Variants in CD9 observed in about 807,000 individuals in gnomAD.
CD9 encodes CD9 molecule, also known as CD9 antigen.
A neutral mutation model predicts 31.4 loss-of-function variants in CD9; 10 were observed. The observed-to-expected ratio is 0.32, with a 90% CI of 0.20 to 0.54. CD9 has a LOEUF of 0.54. Among genes scored for constraint, CD9 ranks in the 20% least tolerant of loss-of-function variants. The pLI is 0.94. For missense variants in CD9, 259 were observed against 300.1 expected (o/e 0.86, Z 1.01); for synonymous variants, 113 against 114.1 (o/e 0.99, Z 0.06).
At chr12:6,220,748 A>G (rs771999767) in intron 1 of CD9, among the ~76,000 whole-genome samples, 3 of 152,190 alleles carry the variant, frequency 2.0e-5, no homozygotes, top group East Asian at 1.9e-4. Context: ...ATAATTTTAG[A>G]TCTACAGAAA....
At chr12:6,210,262 G>A (rs1169389213) in intron 1 of CD9, among the ~76,000 whole-genome samples, 3 of 152,208 alleles carry the variant, frequency 2.0e-5, no homozygotes, top group South Asian at 2.1e-4. Flanking sequence ...AACGGGCTGC[G>A]GTCCCGTCTA....
chr12:6,218,262 T>C (rs2136615675), intron 1 of CD9, among the ~76,000 whole-genome samples: 1 of 151,512 alleles, frequency 6.6e-6, no homozygotes, highest in Admixed American at 6.6e-5. Flanking sequence ...TCAGTACATA[T>C]TACAGAAGAT....
intron 1 of CD9, among the ~76,000 whole-genome samples, chr12:6,217,730 G>C (rs1328563885): frequency 6.6e-6 from 1 of 152,172 alleles, no homozygotes. Context: ...ACAATGGGAA[G>C]TTGGGAAGAA....
Position 6,238,132 on chromosome 12 carries a change from C to A in CD9, c.*304C>A. 1 of 255,448 alleles carries A rather than the reference C, an allele frequency of 3.9e-6. No individual in the cohort carries two copies. The highest frequency in any genetic ancestry group is 5.1e-5 in the South Asian group (1 of 19,712). The allele number at this position is 255,448 out of a possible 1,614,324, so 15.8% of individuals were successfully genotyped here. A position where few individuals can be genotyped will look rare whatever the true frequency, so the allele number is the denominator to read the frequency against. ...AATGAAAGGTACTATATTTGCTAGA[C>A]TCTAGACAAGATATTGTACATAAAA... On this transcript the variant is annotated 3_prime_UTR_variant, in exon 8 of 8. Transcript: ENST00000009180.
At position 6,210,437 on chromosome 12, in the gene CD9, A is replaced by G. The variant is rs1423910351; in HGVS notation, c.66+9872A>G. Reference sequence around the variant, plus strand: ...GAAGCTCTCAGGACAAAGGCCAGGGAGAGGAAGCACCGGCTGTTTTTTTTA... The same window carrying G: ...GAAGCTCTCAGGACAAAGGCCAGGGGGAGGAAGCACCGGCTGTTTTTTTTA... On this transcript the variant is annotated intron_variant, in intron 1 of 7. Transcript: ENST00000009180. Among the ~76,000 whole-genome samples, 3 of 152,154 alleles carry G rather than the reference A, an allele frequency of 2.0e-5. No individual in the cohort carries two copies. The East Asian group carries it at 5.8e-4, about 29-fold the overall frequency.
At chr12:6,217,214 G>A (rs530788862) in intron 1 of CD9, among the ~76,000 whole-genome samples, 38 of 152,246 alleles carry the variant, frequency 2.5e-4, no homozygotes, top group African/African-American at 9.1e-4. Flanking sequence ...TGCTGAGGCA[G>A]GTGCATGTTT....
At chr12:6,208,920 TAAATG>T (rs2136604195) in intron 1 of CD9, among the ~76,000 whole-genome samples, 1 of 152,306 alleles carries the variant, frequency 6.6e-6, no homozygotes, top group African/African-American at 2.4e-5. Context: ...ATTAAAACTC[TAAATG>T]AAATGATCAG....
chr12:6,235,365 TC>T, intron 5 of CD9, 38 bp downstream of exon 5: 1 of 1,614,152 alleles, frequency 6.2e-7, no homozygotes, highest in Non-Finnish European at 8.5e-7. Flanking sequence ...CTGCGCTTTC[TC>T]CGGATTGTGT....
rs117280984 is a variant in CD9, at chr12:6,216,256, C to T, written c.67-9170C>T. Among the ~76,000 whole-genome samples, 320 of 152,338 alleles carry T rather than the reference C, an allele frequency of 2.1e-3. 8 individuals are homozygous for T. In the East Asian group the frequency reaches 0.032, roughly 15 times the overall value. The stretch of plus-strand genomic sequence containing the variant: ...GAAGAGGGAGGGCCTATCTCCACTT[C>T]TGTGGCTTTCTTAAAGCGTGACTGG... On this transcript the variant is annotated intron_variant, in intron 1 of 7. Coordinates refer to ENST00000009180, the MANE Select transcript of CD9 (RefSeq NM_001769.4).
chr12:6,227,523 C>G lies in CD9; in HGVS notation c.175+1989C>G, dbSNP rs372280167. Among the ~76,000 whole-genome samples the G allele has an allele frequency of 5.9e-5, 9 of 152,294 alleles. No homozygotes were observed. In the East Asian group the frequency reaches 1.4e-3, roughly 23 times the overall value. ...GGAAGACACTAACATTTTTGAGCCCCCTTCTTTGTGTGTCATTCATTGTCT... is the reference window on the plus strand; with the variant it reads ...GGAAGACACTAACATTTTTGAGCCCGCTTCTTTGTGTGTCATTCATTGTCT... On this transcript the variant is annotated intron_variant, in intron 2 of 7. Transcript: ENST00000009180.
intron 1 of CD9, among the ~76,000 whole-genome samples, chr12:6,214,753 C>A (rs1468670058): frequency 6.6e-6 from 1 of 152,140 alleles, no homozygotes; most frequent in Admixed American, 6.5e-5. Flanking sequence ...GCACAGCCGG[C>A]TGCAGAATTC....
At position 6,208,778 on chromosome 12, in the gene CD9, G is replaced by A. The variant is rs192408862; in HGVS notation, c.66+8213G>A. Among the ~76,000 whole-genome samples the A allele has an allele frequency of 3.6e-3, 544 of 152,112 alleles. 6 individuals are homozygous for A. Among genetic ancestry groups the A allele is most frequent in the African/African-American group, 0.012 (510 of 41,506 alleles). ...GGGGTTTCTCCATGTTGATCAGGCCGGTCTTGAACTCCTGACCTCAGGTGA... is the reference window on the plus strand; with the variant it reads ...GGGGTTTCTCCATGTTGATCAGGCCAGTCTTGAACTCCTGACCTCAGGTGA... On this transcript the variant is annotated intron_variant, in intron 1 of 7. Transcript: ENST00000009180.
intron 1 of CD9, among the ~76,000 whole-genome samples, chr12:6,204,903 G>C (rs1946114145): frequency 6.6e-6 from 1 of 152,200 alleles, no homozygotes. Context: ...TGCCAACTTT[G>C]TCCTGTGCAT....
chr12:6,236,273 A>G lies in CD9; in HGVS notation c.619A>G (p.Met207Val). 2 of 1,614,070 alleles carry G rather than the reference A, an allele frequency of 1.2e-6. No individual in the cohort carries two copies. The highest frequency in any genetic ancestry group is 1.7e-6 in the Non-Finnish European group (2 of 1,179,892). Residue 207 changes from methionine to valine, a missense_variant and splice_region_variant, in exon 7 of 8, where the codon ATG (methionine) becomes GTG (valine). By Grantham distance (21) the Met-to-Val change is conservative. Coordinates refer to ENST00000009180, the MANE Select transcript of CD9 (RefSeq NM_001769.4). Reference protein sequence around the residue: ...GAVGIGIAVVMIFGMIFSMIL... With the variant: ...GAVGIGIAVVVIFGMIFSMIL... Reference sequence around the variant, plus strand: ...AGTGGGCATCGGCATTGCCGTGGTCATGGTGAGTGGCAGGACGTCGTCCCA... The same window carrying G: ...AGTGGGCATCGGCATTGCCGTGGTCGTGGTGAGTGGCAGGACGTCGTCCCA...
At chr12:6,236,463 A>C (rs1591982989) in intron 7 of CD9, 188 bp downstream of exon 7, 1 of 605,222 alleles carries the variant, frequency 1.7e-6, no homozygotes, top group Non-Finnish European at 2.9e-6. Context: ...AAAGCCTCTC[A>C]CCTCCTGAGT....
intron 1 of CD9, among the ~76,000 whole-genome samples, chr12:6,220,223 G>C (rs538994120): frequency 1.3e-5 from 2 of 152,330 alleles, no homozygotes; most frequent in East Asian, 3.9e-4. Context: ...CTTGGCTTAG[G>C]CGATCACGAC....
intron 1 of CD9, among the ~76,000 whole-genome samples, chr12:6,218,220 C>G (rs1273601693): frequency 7.8e-6 from 1 of 128,276 alleles, no homozygotes; most frequent in Non-Finnish European, 1.8e-5. Flanking sequence ...AGAGTGAGAC[C>G]CTGTCTCAAA....
intron 1 of CD9, among the ~76,000 whole-genome samples, chr12:6,224,602 G>A (rs1234851852): frequency 6.6e-6 from 1 of 152,118 alleles, no homozygotes; most frequent in Non-Finnish European, 1.5e-5. Context: ...TGTTGAGGAG[G>A]GTGGACCAGC....
chr12:6,203,764 A>G (rs1946100031), intron 1 of CD9, among the ~76,000 whole-genome samples: 1 of 152,132 alleles, frequency 6.6e-6, no homozygotes, highest in African/African-American at 2.4e-5. Flanking sequence ...ACACACAAGT[A>G]TTTCTCCAGC....
Sources: allele counts gnomAD v4.1 joint callset (sites outside exome capture counted in the v4.1 genomes callset), GRCh38; gene constraint gnomAD v4.1.1; transcripts MANE v1.5; gene names NCBI Gene and HGNC (gene_info 2026-07-23, HGNC 2026-07-21).